GLCCI1: variants seen among roughly 807,000 people sequenced by gnomAD.
GLCCI1 encodes glucocorticoid-induced transcript 1 protein.
A neutral mutation model predicts 52.2 loss-of-function variants in GLCCI1; 24 were observed. The ratio of observed to expected loss-of-function variants is 0.46; its 90% confidence interval spans 0.33 to 0.65. The LOEUF (loss-of-function observed/expected upper bound fraction) is 0.65. Ranked by LOEUF, GLCCI1 falls within the 30% of genes least tolerant of loss-of-function variation. The pLI is 0.02. For missense variants in GLCCI1, 704 were observed against 701.5 expected (o/e 1.00, Z -0.04); for synonymous variants, 310 against 276.5 (o/e 1.12, Z -1.20).
intron 6 of GLCCI1, among the ~76,000 whole-genome samples, chr7:8,071,990 G>C (rs369899344): frequency 1.3e-5 from 2 of 152,128 alleles, no homozygotes; most frequent in Non-Finnish European, 2.9e-5. Flanking sequence ...ATGTATTGTT[G>C]TAAGTAAAAT....
At chr7:8,015,210 G>T (rs977260323) in intron 2 of GLCCI1, among the ~76,000 whole-genome samples, 2 of 152,186 alleles carry the variant, frequency 1.3e-5, no homozygotes, top group African/African-American at 2.4e-5. Context: ...AAAGGAGCTT[G>T]GTTAGGGAGG....
chr7:8,005,203 G>A (rs911469833), intron 2 of GLCCI1, among the ~76,000 whole-genome samples: 5 of 152,086 alleles, frequency 3.3e-5, no homozygotes, highest in Admixed American at 1.3e-4. Context: ...CATCCTTCTA[G>A]AGGAGTTAGA....
rs1365412590 is a variant in GLCCI1 at position 8,071,098 on chromosome 7, T to G, written c.1144T>G (p.Ser382Ala). 1.9e-6 allele frequency: 3 copies of G among 1,614,208 alleles called. No individual in the cohort carries two copies. The South Asian group carries it at 3.3e-5, about 18-fold the overall frequency. ...PPESQDGSPC[S>A]TEDLLYDRDK... ...GGAATCCCAGGATGGTAGCCCTTGC[T>G]CAACAGAAGATTTGCTCTATGATCG... Residue 382 changes from serine (S) to alanine (A), a missense_variant, in exon 6 of 8, where the codon TCA becomes GCA. Physicochemically the swap from Ser to Ala is moderately conservative, Grantham distance 99. Around this residue, in one of 3 missense-constraint regions of GLCCI1, gnomAD observed 547 missense variants for 524.8 expected, o/e 1.04. Coordinates refer to ENST00000223145, the MANE Select transcript of GLCCI1 (RefSeq NM_138426.4).
At chr7:7,998,824 G>A (rs1012702128) in intron 1 of GLCCI1, among the ~76,000 whole-genome samples, 1 of 152,108 alleles carries the variant, frequency 6.6e-6, no homozygotes, top group Non-Finnish European at 1.5e-5. Flanking sequence ...TTTTGCAGCA[G>A]GATATTTTCT....
At chr7:7,970,228 T>C (rs780709604) in intron 1 of GLCCI1, among the ~76,000 whole-genome samples, 121 of 152,346 alleles carry the variant, frequency 7.9e-4, no homozygotes, top group Middle Eastern at 6.8e-3. Context: ...TGCCTGTAAC[T>C]ACCGGGATAG....
rs1018252528 is a variant in GLCCI1, at chr7:8,087,247, G to A, written c.*709G>A. ...TAGGAGAATGATAATCCTGGACATG[G>A]GTGAACATGAGGAGAACCAGCAAAA... On this transcript the variant is annotated 3_prime_UTR_variant, in exon 8 of 8. Coordinates refer to ENST00000223145, the MANE Select transcript of GLCCI1 (RefSeq NM_138426.4). 6.6e-6 allele frequency: 1 copy of A among 152,590 alleles called. No individual in the cohort carries two copies. Among genetic ancestry groups the A allele is most frequent in the Non-Finnish European group, 1.5e-5 (1 of 68,026 alleles). 9.5% of individuals were successfully genotyped at this position (152,590 alleles called of 1,614,324 possible). A position where few individuals can be genotyped will look rare whatever the true frequency, so the allele number is the denominator to read the frequency against.
At chr7:8,067,849 G>C (rs1472083372) in intron 5 of GLCCI1, among the ~76,000 whole-genome samples, 1 of 152,124 alleles carries the variant, frequency 6.6e-6, no homozygotes, top group Non-Finnish European at 1.5e-5. Flanking sequence ...CTCTTGTGTA[G>C]TATTTTGCAG....
intron 1 of GLCCI1, chr7:7,981,665 A>G (rs531795813): frequency 1.7e-5 from 4 of 238,974 alleles, no homozygotes; most frequent in South Asian, 1.5e-4. Context: ...AAAATGGACA[A>G]TATACTTATA....
Position 8,014,532 on chromosome 7 carries a change from AT to A in GLCCI1, c.610-7943del, listed in dbSNP as rs543184701. ...TTTATTATTCAGCAATGAGTTCTTAATTTTTTTTCATGAGCCTTAGAGTATT... is the reference window on the plus strand; with the variant it reads ...TTTATTATTCAGCAATGAGTTCTTAATTTTTTTCATGAGCCTTAGAGTATT... On this transcript the variant is annotated intron_variant, in intron 2 of 7. Coordinates refer to ENST00000223145, the MANE Select transcript of GLCCI1 (RefSeq NM_138426.4). 4.5e-4 allele frequency among the ~76,000 whole-genome samples: 69 copies of A among 152,074 alleles called. 3 individuals carry two copies. In the South Asian group the frequency reaches 0.014, roughly 32 times the overall value.
At chr7:8,028,023 A>G (rs1781659991) in intron 3 of GLCCI1, among the ~76,000 whole-genome samples, 1 of 152,350 alleles carries the variant, frequency 6.6e-6, no homozygotes, top group East Asian at 1.9e-4. Context: ...GGAGACTTCA[A>G]CACCCTACTT....
At chr7:7,976,016 G>T (rs1780462138) in intron 1 of GLCCI1, among the ~76,000 whole-genome samples, 1 of 152,174 alleles carries the variant, frequency 6.6e-6, no homozygotes, top group African/African-American at 2.4e-5. Flanking sequence ...ACAGAGACTG[G>T]TCTCAAGTGA....
intron 1 of GLCCI1, among the ~76,000 whole-genome samples, chr7:7,976,874 A>G (rs1216723045): frequency 6.6e-6 from 1 of 151,672 alleles, no homozygotes; most frequent in East Asian, 1.9e-4. Flanking sequence ...GTGAGCTGAA[A>G]TCACCCTACT....
intron 5 of GLCCI1, among the ~76,000 whole-genome samples, chr7:8,063,244 T>A (rs1782555336): frequency 6.6e-6 from 1 of 152,062 alleles, no homozygotes; most frequent in Non-Finnish European, 1.5e-5. Flanking sequence ...TCCAAGCGAT[T>A]CTCCTGCCTC....
At chr7:7,981,258 C>CTTTCTT (rs1332928726) in intron 1 of GLCCI1, 24 of 246,520 alleles carry the variant, frequency 9.7e-5, no homozygotes, top group Middle Eastern at 1.4e-3. Flanking sequence ...TTCTTTCTTT[C>CTTTCTT]TCTTTTTTTC....
At chr7:8,083,660 A>AATG (rs35360188) in intron 6 of GLCCI1, among the ~76,000 whole-genome samples, 42,872 of 151,960 alleles carry the variant, frequency 0.28, 6,636 homozygotes, top group East Asian at 0.45. Context: ...CATACATAAT[A>AATG]ATGATAGAGA....
chr7:8,005,398 A>C (rs2115428143), intron 2 of GLCCI1, among the ~76,000 whole-genome samples: 1 of 152,246 alleles, frequency 6.6e-6, no homozygotes, highest in Non-Finnish European at 1.5e-5. Flanking sequence ...AAGCAGCAAG[A>C]GGAGGAGGGA....
At chr7:8,085,079 A>G (rs543328612) in intron 7 of GLCCI1, 62 bp downstream of exon 7, 3 of 1,581,696 alleles carry the variant, frequency 1.9e-6, no homozygotes, top group South Asian at 2.3e-5. Context: ...TACTGAGACC[A>G]GTTGATTACA....
At chr7:8,060,754 G>A (rs1479551282) in intron 5 of GLCCI1, among the ~76,000 whole-genome samples, 1 of 152,016 alleles carries the variant, frequency 6.6e-6, no homozygotes, top group African/African-American at 2.4e-5. Context: ...TTAGTTTTTG[G>A]CTATTGTGAA....
intron 3 of GLCCI1, among the ~76,000 whole-genome samples, chr7:8,041,449 G>T (rs1257805169): frequency 6.6e-6 from 1 of 152,212 alleles, no homozygotes; most frequent in African/African-American, 2.4e-5. Flanking sequence ...ATTGATGAAA[G>T]TGGCTACACT....
Sources: allele counts gnomAD v4.1 joint callset (sites outside exome capture counted in the v4.1 genomes callset), GRCh38; gene constraint gnomAD v4.1.1; regional missense constraint gnomAD v4.1.1; transcripts MANE v1.5; gene names NCBI Gene and HGNC (gene_info 2026-07-23, HGNC 2026-07-21).